The following ERC1 variants were observed in gnomAD, a reference collection of about 807,000 sequenced individuals.
ERC1 encodes the protein RAB6 interacting protein 2.
A neutral mutation model predicts 132.0 loss-of-function variants in ERC1; 56 were observed. The observed-to-expected ratio is 0.42, with a 90% confidence interval of 0.34 to 0.53. The LOEUF (loss-of-function observed/expected upper bound fraction) is 0.53. Among genes scored for constraint, ERC1 ranks in the 20% least tolerant of loss-of-function variants. ERC1 has a pLI of 0.03. For synonymous variants in ERC1, 478 were observed against 476.1 expected (o/e 1.00, Z -0.05); for missense variants, 1,202 against 1,349.9 (o/e 0.89, Z 1.72).
chr12:1,431,536 TTAG>T (rs1287552454), intron 17 of ERC1, among the ~76,000 whole-genome samples: 1 of 152,228 alleles, frequency 6.6e-6, no homozygotes, highest in Non-Finnish European at 1.5e-5. Context: ...ATCATTTTAA[TTAG>T]TATCACTTTT....
chr12:1,412,042 T>C (rs538921313), intron 17 of ERC1, among the ~76,000 whole-genome samples: 1 of 152,368 alleles, frequency 6.6e-6, no homozygotes, highest in Non-Finnish European at 1.5e-5. Flanking sequence ...TTTAACACCA[T>C]GCAATTGCAA....
chr12:1,138,199 AT>A (rs1949512697), intron 7 of ERC1, among the ~76,000 whole-genome samples: 3 of 122,384 alleles, frequency 2.5e-5, no homozygotes, highest in Admixed American at 9.5e-5. Context: ...ATATAATTAT[AT>A]ATGATATATA....
chr12:1,146,912 T>C (rs529727070), intron 8 of ERC1, among the ~76,000 whole-genome samples: 149 of 152,272 alleles, frequency 9.8e-4, no homozygotes, highest in African/African-American at 3.5e-3. Context: ...CTGACAATGA[T>C]GGTTTCCAGT....
At chr12:1,137,942 ATATAT>A (rs993699866) in intron 7 of ERC1, among the ~76,000 whole-genome samples, 11 of 137,960 alleles carry the variant, frequency 8.0e-5, no homozygotes, top group African/African-American at 3.0e-4. Context: ...ATAATATATA[ATATAT>A]TTATATAAAT....
chr12:1,109,420 G>A (rs543321373), intron 4 of ERC1, among the ~76,000 whole-genome samples: 9 of 152,254 alleles, frequency 5.9e-5, no homozygotes, highest in South Asian at 4.1e-4. Flanking sequence ...AGCTGTACAC[G>A]TTACTGTATA....
chr12:1,131,555 G>A (rs4439574), intron 7 of ERC1, among the ~76,000 whole-genome samples: 84,688 of 151,846 alleles, frequency 0.56, 25,751 homozygotes, highest in East Asian at 0.78. Context: ...TCCACCTCCC[G>A]GGTTCGCACC....
intron 15 of ERC1, among the ~76,000 whole-genome samples, chr12:1,335,991 G>A (rs1170387762): frequency 6.6e-6 from 1 of 152,016 alleles, no homozygotes; most frequent in Non-Finnish European, 1.5e-5. Flanking sequence ...TTCAGTCTTG[G>A]GAGGGTGTAT....
chr12:1,201,196 GT>G (rs1222598027), intron 12 of ERC1, among the ~76,000 whole-genome samples: 1 of 136,380 alleles, frequency 7.3e-6, no homozygotes, highest in Non-Finnish European at 1.5e-5. Flanking sequence ...TTCTGACCTT[GT>G]TTTTGTATTT....
chr12:1,332,698 G>C (rs1282629388), intron 15 of ERC1, among the ~76,000 whole-genome samples: 1 of 152,132 alleles, frequency 6.6e-6, no homozygotes, highest in Non-Finnish European at 1.5e-5. Context: ...TTTATTCTGG[G>C]CACCAACTGT....
chr12:1,128,311 GGAT>G (rs1212344884), intron 7 of ERC1, among the ~76,000 whole-genome samples: 2 of 152,188 alleles, frequency 1.3e-5, no homozygotes, highest in Non-Finnish European at 2.9e-5. Flanking sequence ...TCTCCAGAAT[GGAT>G]GATCAGATAT....
intron 15 of ERC1, among the ~76,000 whole-genome samples, chr12:1,304,956 A>T (rs2080759799): frequency 1.3e-5 from 2 of 150,870 alleles, no homozygotes; most frequent in African/African-American, 2.4e-5. Context: ...CGCCCGGCTA[A>T]TTTTTTGTAT....
intron 2 of ERC1, among the ~76,000 whole-genome samples, chr12:1,057,889 C>T (rs560867794): frequency 9.9e-5 from 15 of 152,126 alleles, no homozygotes; most frequent in South Asian, 6.2e-4. Flanking sequence ...CCACCGCACC[C>T]GGCCTAAAAT....
At chr12:1,460,646 A>G (rs1044354797) in intron 18 of ERC1, among the ~76,000 whole-genome samples, 1 of 152,124 alleles carries the variant, frequency 6.6e-6, no homozygotes, top group Admixed American at 6.6e-5. Context: ...TTGACTGGAG[A>G]GAAGCTACTC....
chr12:1,384,029 C>T (rs1034241202), intron 16 of ERC1, among the ~76,000 whole-genome samples: 4 of 152,198 alleles, frequency 2.6e-5, no homozygotes, highest in Admixed American at 6.5e-5. Context: ...AGAGCTGACA[C>T]TCCTGATCAC....
chr12:990,947 G>GT (rs1959179630), upstream of ERC1: 1 of 38,378 alleles, frequency 2.6e-5, no homozygotes, highest in Non-Finnish European at 7.4e-5. Flanking sequence ...GTGTGTGTGT[G>GT]TGTGAGTGTG....
At chr12:1,289,576 A>G (rs759266455) in intron 14 of ERC1, among the ~76,000 whole-genome samples, 2 of 152,160 alleles carry the variant, frequency 1.3e-5, no homozygotes, top group African/African-American at 4.8e-5. Context: ...TGTCTGTGGC[A>G]GCGTGCGACT....
intron 16 of ERC1, among the ~76,000 whole-genome samples, chr12:1,389,264 G>A (rs1040165951): frequency 7.2e-5 from 11 of 152,172 alleles, no homozygotes; most frequent in African/African-American, 2.4e-4. Flanking sequence ...CATCAAGAAA[G>A]CCGTTGGCTG....
At position 1,110,356 on chromosome 12, in the gene ERC1, A is replaced by AT. The variant is rs1448236924; in HGVS notation, c.1317+10dup. ...AATTTATGAAAAATAAGGTAATGGC[A>AT]TGTGAGACTTTTGATTCTTAAAAGG... is the stretch of plus-strand genomic sequence containing the variant. On this transcript the variant is annotated intron_variant, in intron 5 of 18. Transcript: ENST00000360905. The AT allele has an allele frequency of 6.3e-7, 1 of 1,582,738 alleles. No homozygotes were observed. The highest frequency in any genetic ancestry group is 8.6e-7 in the Non-Finnish European group (1 of 1,167,432).
intron 12 of ERC1, among the ~76,000 whole-genome samples, chr12:1,228,737 A>G (rs192367505): frequency 6.6e-6 from 1 of 152,334 alleles, no homozygotes; most frequent in East Asian, 1.9e-4. Flanking sequence ...AGTCTTTATC[A>G]TGAAAGGATA....
Sources: gnomAD v4.1 joint callset for allele counts (sites outside exome capture counted in the v4.1 genomes callset) on GRCh38, gnomAD v4.1.1 for gene constraint, MANE v1.5 for transcripts, NCBI Gene and HGNC (gene_info 2026-07-23, HGNC 2026-07-21) for gene names.